The following LRP1B variants were observed in gnomAD, a reference collection of about 807,000 sequenced individuals.
LRP1B encodes LDL receptor related protein 1B.
Under a neutral mutation model 556.6 loss-of-function variants are expected in LRP1B, and 217 were observed. The ratio of observed to expected loss-of-function variants is 0.39; its 90% confidence interval spans 0.35 to 0.44. LRP1B has a LOEUF of 0.44. Among genes scored for constraint, LRP1B ranks in the 20% least tolerant of loss-of-function variants. LRP1B has a pLI of 1.00. For missense variants in LRP1B, 5,053 were observed against 5,620.8 expected (o/e 0.90, Z 3.23); for synonymous variants, 2,047 against 1,865.8 (o/e 1.10, Z -2.50).
intron 1 of LRP1B, among the ~76,000 whole-genome samples, chr2:142,070,205 T>C (rs1705259412): frequency 6.6e-6 from 1 of 151,812 alleles, no homozygotes; most frequent in African/African-American, 2.4e-5. Flanking sequence ...AGGGCAAAAT[T>C]GATTTTCTTA....
intron 13 of LRP1B, among the ~76,000 whole-genome samples, chr2:141,014,394 G>T (rs533316534): frequency 6.6e-6 from 1 of 151,970 alleles, no homozygotes; most frequent in African/African-American, 2.4e-5. Context: ...TTGTTTTGTT[G>T]TTCCTTAAAT....
intron 25 of LRP1B, among the ~76,000 whole-genome samples, chr2:140,878,347 T>C (rs1693373047): frequency 6.6e-6 from 1 of 152,178 alleles, no homozygotes; most frequent in African/African-American, 2.4e-5. Context: ...GATTGTTTTG[T>C]ATAAAAATAT....
intron 1 of LRP1B, among the ~76,000 whole-genome samples, chr2:141,965,523 A>G (rs1701532420): frequency 1.0e-5 from 1 of 97,318 alleles, no homozygotes; most frequent in Non-Finnish European, 2.0e-5. Context: ...GCATATTCTC[A>G]CTCATAGGTG....
At chr2:140,437,581 G>C (rs1686240476) in intron 66 of LRP1B, among the ~76,000 whole-genome samples, 1 of 152,148 alleles carries the variant, frequency 6.6e-6, no homozygotes, top group Non-Finnish European at 1.5e-5. Flanking sequence ...CAAAATTTAA[G>C]TACATTATCT....
At chr2:141,012,796 CATAAT>C in intron 14 of LRP1B, among the ~76,000 whole-genome samples, 1 of 151,892 alleles carries the variant, frequency 6.6e-6, no homozygotes, top group Middle Eastern at 3.4e-3. Flanking sequence ...TTAGGAAATT[CATAAT>C]ATAATTTATT....
intron 7 of LRP1B, among the ~76,000 whole-genome samples, chr2:141,185,652 A>G (rs1681206528): frequency 6.9e-6 from 1 of 145,560 alleles, no homozygotes; most frequent in Non-Finnish European, 1.5e-5. Context: ...TTAGTAATCT[A>G]TATTTAAACC....
chr2:141,864,831 G>A (rs543829097), intron 1 of LRP1B, among the ~76,000 whole-genome samples: 3 of 152,182 alleles, frequency 2.0e-5, no homozygotes, highest in East Asian at 1.9e-4. Flanking sequence ...GCAGTGAGCC[G>A]AGATCACGCC....
At chr2:140,570,051 G>A (rs1681266505) in intron 43 of LRP1B, among the ~76,000 whole-genome samples, 1 of 151,488 alleles carries the variant, frequency 6.6e-6, no homozygotes, top group South Asian at 2.1e-4. Flanking sequence ...AATAGGCAAG[G>A]CTATAAAAAT....
chr2:140,572,595 T>C (rs1178047717), intron 43 of LRP1B, among the ~76,000 whole-genome samples: 1 of 151,686 alleles, frequency 6.6e-6, no homozygotes, highest in Non-Finnish European at 1.5e-5. Context: ...AAAATAGAGT[T>C]ACTATATGAA....
rs145770306 is a variant in LRP1B, at chr2:141,907,944, T to A, written c.83-97543A>T. On this transcript the variant is annotated intron_variant, in intron 1 of 90. Transcript: ENST00000389484. Reference sequence around the variant, plus strand: ...TAAAACTCACTACTTCTCTGACTTCTTCCTTCTACACCTGTTAGGTACCTA... The same window carrying A: ...TAAAACTCACTACTTCTCTGACTTCATCCTTCTACACCTGTTAGGTACCTA... Among the ~76,000 whole-genome samples, 74 of 152,120 alleles carry A rather than the reference T, an allele frequency of 4.9e-4. 1 individual carries two copies. Among genetic ancestry groups the A allele is most frequent in the African/African-American group, 1.7e-3 (72 of 41,532 alleles).
At chr2:141,265,569 T>G (rs1026480065) in intron 3 of LRP1B, among the ~76,000 whole-genome samples, 1 of 152,202 alleles carries the variant, frequency 6.6e-6, no homozygotes, top group African/African-American at 2.4e-5. Flanking sequence ...AAACTCTTCA[T>G]GTAATGAATA....
chr2:140,294,321 T>C (rs1454670986), intron 84 of LRP1B, among the ~76,000 whole-genome samples: 3 of 151,354 alleles, frequency 2.0e-5, no homozygotes, highest in African/African-American at 7.4e-5. Context: ...AGTAAATTGA[T>C]CTTAAATTGA....
intron 35 of LRP1B, among the ~76,000 whole-genome samples, chr2:140,740,822 A>C (rs34188424): frequency 0.1 from 15,633 of 151,974 alleles, 898 homozygotes; most frequent in African/African-American, 0.15. Flanking sequence ...TTTTCTGTGT[A>C]CTAATCTTCT....
chr2:141,959,585 T>G (rs898634966), intron 1 of LRP1B, among the ~76,000 whole-genome samples: 2 of 151,964 alleles, frequency 1.3e-5, no homozygotes, highest in African/African-American at 4.8e-5. Context: ...GTGAAACACA[T>G]AGATAACTTT....
intron 37 of LRP1B, among the ~76,000 whole-genome samples, chr2:140,713,323 G>T (rs1268501142): frequency 9.3e-6 from 1 of 107,118 alleles, no homozygotes; most frequent in Admixed American, 1.0e-4. Flanking sequence ...AAAAGGTATA[G>T]AATTTTTTTT....
At chr2:140,356,623 G>A (rs1305380776) in intron 74 of LRP1B, 147 bp from the exon 75 acceptor site, 14 of 573,288 alleles carry the variant, frequency 2.4e-5, no homozygotes, top group Non-Finnish European at 4.0e-5. Flanking sequence ...CTCCATATAA[G>A]CCCCCATGTC....
intron 1 of LRP1B, among the ~76,000 whole-genome samples, chr2:142,116,794 T>C (rs1013886222): frequency 6.6e-6 from 1 of 152,176 alleles, no homozygotes; most frequent in Non-Finnish European, 1.5e-5. Context: ...AACTAATTCT[T>C]ATGTGAAACA....
chr2:141,428,448 A>T (rs1680451855), intron 3 of LRP1B, among the ~76,000 whole-genome samples: 1 of 152,248 alleles, frequency 6.6e-6, no homozygotes, highest in Non-Finnish European at 1.5e-5. Context: ...CTAAAAACTT[A>T]TTAATAGGGG....
chr2:140,683,949 G>T, intron 41 of LRP1B: 1 of 376,284 alleles, frequency 2.7e-6, no homozygotes, highest in Non-Finnish European at 4.9e-6. Context: ...TACGTGACGC[G>T]CCTTTACTTT....
Sources: gnomAD v4.1 joint callset for allele counts (sites outside exome capture counted in the v4.1 genomes callset) on GRCh38, gnomAD v4.1.1 for gene constraint, MANE v1.5 for transcripts, NCBI Gene and HGNC (gene_info 2026-07-23, HGNC 2026-07-21) for gene names.